Variants in ARMCX4 observed in about 807,000 individuals in gnomAD.
The protein encoded by ARMCX4 is armadillo repeat-containing X-linked protein 4.
ARMCX4 carries 3 observed loss-of-function variants against 34.7 expected under a neutral mutation model. That is an observed-to-expected ratio of 0.09 (90% confidence interval 0.04 to 0.22). The LOEUF (loss-of-function observed/expected upper bound fraction) is 0.22, where lower values mean the gene tolerates loss of function less well. ARMCX4 is among the 10% of genes least tolerant of loss of function. The pLI is 1.00. For missense variants in ARMCX4, 1,448 were observed against 1,720.8 expected (o/e 0.84, Z 2.81); for synonymous variants, 513 against 632.8 (o/e 0.81, Z 2.84).
intron 4 of ARMCX4, among the ~76,000 whole-genome samples, chrX:101,459,522 T>C (rs1932507283): frequency 8.9e-6 from 1 of 112,090 alleles, no homozygotes; most frequent in South Asian, 3.7e-4. Context: ...AAGTCTTCTC[T>C]TTATGTGAGA....
At chrX:101,423,984 C>T (rs1433327072) in intron 2 of ARMCX4, among the ~76,000 whole-genome samples, 1 of 111,499 alleles carries the variant, frequency 9.0e-6, no homozygotes, top group Non-Finnish European at 1.9e-5. Flanking sequence ...CTGCCTCAGC[C>T]TCCCAAGTAG....
intron 7 of ARMCX4, among the ~76,000 whole-genome samples, chrX:101,501,916 G>T (rs1214431172): frequency 8.9e-6 from 1 of 112,108 alleles, no homozygotes; most frequent in Non-Finnish European, 1.9e-5. Context: ...TCCTGCTGAT[G>T]TCCTATCTCA....
At chrX:101,520,387 G>A (rs781947177) in intron 11 of ARMCX4, among the ~76,000 whole-genome samples, 4 of 112,275 alleles carry the variant, frequency 3.6e-5, no homozygotes, top group Admixed American at 1.9e-4. Context: ...CATTGAATAC[G>A]TTATCTGTGG....
In ARMCX4 at chrX:101,489,057, C is replaced by G. The variant is rs1556007749; in HGVS notation, c.468C>G (p.Gly156=). ...EAVTQTDAEA[G]KIVKKEAVTQ... ...TGACCCAAACTGATGCTGAGGCTGGCAAAATAGTTAAGAAAGAAGCAGTGA... is the reference window on the plus strand; with the variant it reads ...TGACCCAAACTGATGCTGAGGCTGGGAAAATAGTTAAGAAAGAAGCAGTGA... Residue 156 remains glycine (G), a synonymous_variant, in exon 6 of 6, where the codon GGC becomes GGG. Transcript: ENST00000423738. 1.7e-6 allele frequency: 2 copies of G among 1,155,831 alleles called. No homozygotes were observed. The highest frequency in any genetic ancestry group is 2.3e-6 in the Non-Finnish European group (2 of 873,008).
chrX:101,505,696 A>T (rs888677168), intron 8 of ARMCX4, among the ~76,000 whole-genome samples: 4 of 111,869 alleles, frequency 3.6e-5, no homozygotes, highest in African/African-American at 1.3e-4. Context: ...ATGTCCTTGT[A>T]CATCCTTCTT....
Position 101,433,800 on chromosome X carries a change from A to G in ARMCX4, n.165-10252A>G, listed in dbSNP as rs182730422. Among the ~76,000 whole-genome samples the G allele has an allele frequency of 2.2e-4, 24 of 111,609 alleles. No homozygotes were observed. In the Admixed American group the frequency reaches 2.2e-3, roughly 10 times the overall value. On this transcript the variant is annotated intron_variant and non_coding_transcript_variant, in intron 2 of 3. Coordinates refer to the ARMCX4 transcript ENST00000430461. ...CAAAAAAAAATTATTCTCCTGCAAAACCTGCTTGCTTTATGCACATTTGGA... is the reference window on the plus strand; with the variant it reads ...CAAAAAAAAATTATTCTCCTGCAAAGCCTGCTTGCTTTATGCACATTTGGA...
At chrX:101,480,123 GACAC>G (rs57237822) in intron 4 of ARMCX4, among the ~76,000 whole-genome samples, 11,831 of 76,331 alleles carry the variant, frequency 0.15, 707 homozygotes, top group Non-Finnish European at 0.18. Flanking sequence ...AGGATTTGGA[GACAC>G]ACACACACAC....
At chrX:101,524,230 A>G (rs1212433377) in intron 11 of ARMCX4, 1 of 112,520 alleles carries the variant, frequency 8.9e-6, no homozygotes, top group Non-Finnish European at 1.9e-5. Context: ...AAATTTATAA[A>G]TTCAAGAAGT....
In ARMCX4 at chrX:101,493,596, A is replaced by C; in HGVS notation, c.5007A>C (p.Gly1669=). The change falls in exon 6 of 6, where the codon GGA becomes GGC. Residue 1669 remains glycine, a synonymous_variant. Transcript: ENST00000423738. ...AATTTGAGGATCAGGCTTGTGGAGG[A>C]GGCTCCTGGGCTGGTGCTGGGAGCC... ...KPEFEDQACG[G]GSWAGAGSQA... The C allele has an allele frequency of 8.7e-7, 1 of 1,151,446 alleles. No individual in the cohort carries two copies. The highest frequency in any genetic ancestry group is 3.3e-5 in the East Asian group (1 of 30,610). 94.9% of individuals were successfully genotyped at this position (1,151,446 alleles called of 1,213,427 possible). A position where few individuals can be genotyped will look rare whatever the true frequency, so the allele number is the denominator to read the frequency against.
At chrX:101,500,167 G>T (rs1556013214), downstream of ARMCX4, among the ~76,000 whole-genome samples, 2 of 111,386 alleles carry the variant, frequency 1.8e-5, no homozygotes, top group African/African-American at 3.3e-5. Context: ...TAGAATGGGG[G>T]CACATGGGAG....
At chrX:101,433,417 T>C (rs1930450443) in intron 2 of ARMCX4, among the ~76,000 whole-genome samples, 1 of 110,379 alleles carries the variant, frequency 9.1e-6, no homozygotes, top group South Asian at 3.7e-4. Context: ...CATATATACC[T>C]GTATGTGTAT....
chrX:101,420,881 C>A (rs113167665), intron 2 of ARMCX4, among the ~76,000 whole-genome samples: 1 of 112,152 alleles, frequency 8.9e-6, no homozygotes, highest in Non-Finnish European at 1.9e-5. Context: ...ATGGGGAGAA[C>A]GAATCAGATT....
downstream of ARMCX4, among the ~76,000 whole-genome samples, chrX:101,446,909 G>A (rs139625986): frequency 0.016 from 1,800 of 109,614 alleles, 42 homozygotes; most frequent in African/African-American, 0.057. Context: ...AGCCAAGATT[G>A]CGCCACTGCA....
At position 101,494,029 on chromosome X, in the gene ARMCX4, G is replaced by GAGGCTGGGGCTGAGGCTC. The variant is rs1257976412; in HGVS notation, c.5440_5441insAGGCTGGGGCTGAGGCTC (p.Gly1814delinsGluAlaGlyAlaGluAlaArg). ...CTGTGTAGGGGCTGAGGCTGGGGCTGGGGCTGAGGCTGGGGCTGGGGCTGA... is the reference window on the plus strand; with the variant it reads ...CTGTGTAGGGGCTGAGGCTGGGGCTGAGGCTGGGGCTGAGGCTCGGGCTGAGGCTGGGGCTGGGGCTGA... On this transcript the variant is annotated protein_altering_variant, in exon 6 of 6. Coordinates refer to ENST00000423738, the MANE Select transcript of ARMCX4 (RefSeq NM_001256155.3). 2 of 479,161 alleles carry GAGGCTGGGGCTGAGGCTC rather than the reference G, an allele frequency of 4.2e-6. No homozygotes were observed. The highest frequency in any genetic ancestry group is 5.9e-6 in the Non-Finnish European group (2 of 336,592). 39.5% of individuals were successfully genotyped at this position (479,161 alleles called of 1,213,427 possible).
intron 7 of ARMCX4, among the ~76,000 whole-genome samples, chrX:101,502,770 T>C (rs1556014033): frequency 9.0e-6 from 1 of 111,010 alleles, no homozygotes; most frequent in East Asian, 2.8e-4. Flanking sequence ...ATTTGCTTAA[T>C]TTATTGCCTT....
intron 2 of ARMCX4, among the ~76,000 whole-genome samples, chrX:101,440,761 G>T (rs1055178742): frequency 3.8e-4 from 42 of 110,954 alleles, no homozygotes; most frequent in Admixed American, 8.6e-4. Context: ...GTGGGTGTAG[G>T]ACCCTCCGAG....
chrX:101,494,030 GGGCTGA>G lies in ARMCX4; in HGVS notation c.5447_5452del (p.Glu1816_Ala1817del), dbSNP rs200291370. 3 of 987,286 alleles carry G rather than the reference GGGCTGA, an allele frequency of 3.0e-6. No individual in the cohort carries two copies. The highest frequency in any genetic ancestry group is 3.7e-5 in the African/African-American group (1 of 26,752). The allele number at this position is 987,286 out of a possible 1,213,427, so 81.4% of individuals were successfully genotyped here. A position where few individuals can be genotyped will look rare whatever the true frequency, so the allele number is the denominator to read the frequency against. ...TGTGTAGGGGCTGAGGCTGGGGCTG[GGGCTGA>G]GGCTGGGGCTGGGGCTGAGGCTGGG... On this transcript the variant is annotated inframe_deletion, in exon 6 of 6. Transcript: ENST00000423738.
chrX:101,438,794 C>CT (rs1237374169), intron 2 of ARMCX4, among the ~76,000 whole-genome samples: 1 of 110,563 alleles, frequency 9.0e-6, no homozygotes, highest in Non-Finnish European at 1.9e-5. Context: ...GATTGCAACC[C>CT]CTGCCTTTTT....
Position 101,491,512 on chromosome X carries a change from G to C in ARMCX4, c.2923G>C (p.Val975Leu), listed in dbSNP as rs868921335. 2 of 1,154,598 alleles carry C rather than the reference G, an allele frequency of 1.7e-6. No homozygotes were observed. Among genetic ancestry groups the C allele is most frequent in the Admixed American group, 5.2e-5 (2 of 38,698 alleles). Residue 975 changes from valine to leucine, a missense_variant, in exon 6 of 6, where the codon GTG (valine) becomes CTG (leucine). By Grantham distance (32) the Val-to-Leu change is conservative. This residue lies in a region of ARMCX4 where 1,343 missense variants were observed against 1,540.7 expected (regional missense o/e 0.87). Transcript: ENST00000423738. ...TAAGGTCAGGGGCAATTCCAATGCT[G>C]TGCCTAAGGCAGAGGCTGGGGCAGA... Reference protein sequence around the residue: ...KNKVRGNSNAVPKAEAGADTV... With the variant: ...KNKVRGNSNALPKAEAGADTV...
Sources: gnomAD v4.1 joint callset for allele counts (sites outside exome capture counted in the v4.1 genomes callset) on GRCh38, gnomAD v4.1.1 for gene constraint, gnomAD v4.1.1 regional missense constraint, MANE v1.5 for transcripts, NCBI Gene and HGNC (gene_info 2026-07-23, HGNC 2026-07-21) for gene names.